The following MCFD2 variants were observed in gnomAD, a reference collection of about 807,000 sequenced individuals.
MCFD2 encodes the protein multiple coagulation factor deficiency protein 2.
In MCFD2, 11 loss-of-function variants were observed where a neutral mutation model predicts 12.8. The observed-to-expected ratio is 0.86, with a 90% confidence interval of 0.54 to 1.42. The LOEUF is 1.42. Ranked by LOEUF, MCFD2 falls within the 40% of genes most tolerant of loss-of-function variation. The pLI is 0.00. For missense variants in MCFD2, 191 were observed against 178.6 expected, an observed-to-expected ratio of 1.07 and a Z score of -0.40; for synonymous variants, 70 against 68.1, an observed-to-expected ratio of 1.03 and a Z score of -0.14.
At position 46,904,036 on chromosome 2, in the gene MCFD2, A is replaced by C. The variant is rs1422755144; in HGVS notation, c.*1427T>G. 6.6e-6 allele frequency: 1 copy of C among 152,282 alleles called. No individual in the cohort carries two copies. The highest frequency in any genetic ancestry group is 1.5e-5 in the Non-Finnish European group (1 of 68,110). The allele number at this position is 152,282 out of a possible 1,614,324, so 9.4% of individuals were successfully genotyped here. A position where few individuals can be genotyped will look rare whatever the true frequency, so the allele number is the denominator to read the frequency against. ...ACTCCAGCCATGGCTGAAAGGGGCC[A>C]ACATACAGCTCGGGCTGTGGCTTCA... On this transcript the variant is annotated 3_prime_UTR_variant, in exon 4 of 4. Coordinates refer to ENST00000319466, the MANE Select transcript of MCFD2 (RefSeq NM_139279.6).
intron 1 of MCFD2, among the ~76,000 whole-genome samples, chr2:46,924,839 GCTGGACTCGAGCT>G (rs1669303074): frequency 6.6e-6 from 1 of 152,210 alleles, no homozygotes; most frequent in Non-Finnish European, 1.5e-5. Context: ...TGTTGGCCAG[GCTGGACTCGAGCT>G]CTGGGCTCAA....
rs2289928 is a variant in MCFD2, at chr2:46,907,765, G to A, written c.309+45C>T. The A allele has an allele frequency of 0.077, 123,785 of 1,601,508 alleles. 6,452 individuals carry two copies. Among genetic ancestry groups the A allele is most frequent in the African/African-American group, 0.25 (18,457 of 74,668 alleles). On this transcript the variant is annotated intron_variant, in intron 3 of 3. Coordinates refer to ENST00000319466, the MANE Select transcript of MCFD2 (RefSeq NM_139279.6). This position sits in a 1 kb window ranked among gnomAD's most constrained non-coding sequence, Gnocchi z 4.1. ...AGACTGGGGACCAAATTAACAAAGG[G>A]AAGCCTTTCTGTGATACAGTCCCCC...
upstream of MCFD2, among the ~76,000 whole-genome samples, chr2:46,919,490 A>G (rs1219232130): frequency 6.6e-6 from 1 of 152,250 alleles, no homozygotes; most frequent in Admixed American, 6.5e-5. Context: ...CTGAGATCGC[A>G]CCATTGCTCT....
In MCFD2 at chr2:46,941,239, G is replaced by C. The variant is rs1366574956; in HGVS notation, c.-8+333C>G. ...GGCGGAGGCTGTGGCAGCAGCTGCA[G>C]CGGCGGCGGCGGCGGCAGCGCCAGG... On this transcript the variant is annotated intron_variant, in intron 1 of 2. Transcript: ENST00000409147. This position sits in a 1 kb window ranked among gnomAD's most constrained non-coding sequence, Gnocchi z 4.2. The C allele has an allele frequency of 6.7e-6, 1 of 148,842 alleles. No homozygotes were observed. Among genetic ancestry groups the C allele is most frequent in the African/African-American group, 2.5e-5 (1 of 40,730 alleles). 9.2% of individuals were successfully genotyped at this position (148,842 alleles called of 1,614,324 possible). A position where few individuals can be genotyped will look rare whatever the true frequency, so the allele number is the denominator to read the frequency against.
chr2:46,906,575 T>A (rs1168690729), intron 3 of MCFD2, among the ~76,000 whole-genome samples: 1 of 134,020 alleles, frequency 7.5e-6, no homozygotes, highest in African/African-American at 2.8e-5. Context: ...AGCCTCGACC[T>A]CCCAGGCTCA....
In MCFD2 at chr2:46,941,614, C is replaced by T. The variant is rs910842442; in HGVS notation, c.-50G>A. 2.6e-6 allele frequency: 4 copies of T among 1,556,348 alleles called. No individual in the cohort carries two copies. Among genetic ancestry groups the T allele is most frequent in the Admixed American group, 1.9e-5 (1 of 51,832 alleles). On this transcript the variant is annotated 5_prime_UTR_variant, in exon 1 of 3. Coordinates refer to the MCFD2 transcript ENST00000409147. This position sits in a 1 kb window ranked among gnomAD's most constrained non-coding sequence, Gnocchi z 4.2. ...GCTGGAGCGCTGCCGCGCCGAGGGCCACTGGGACCGCATGCCGGAGCTGGT... is the reference window on the plus strand; with the variant it reads ...GCTGGAGCGCTGCCGCGCCGAGGGCTACTGGGACCGCATGCCGGAGCTGGT...
chr2:46,939,844 C>G (rs1043985143), intron 1 of MCFD2, among the ~76,000 whole-genome samples: 2 of 152,188 alleles, frequency 1.3e-5, no homozygotes, highest in Admixed American at 6.5e-5. Context: ...CTGGAGTAAG[C>G]CAGGAGTTTA....
intron 3 of MCFD2, 153 bp from the exon 4 acceptor site, chr2:46,905,747 A>T (rs554805315): frequency 8.9e-6 from 7 of 782,374 alleles, no homozygotes; most frequent in African/African-American, 8.8e-5. Context: ...ATCCACGCTC[A>T]TATGTGTCCA....
intron 1 of MCFD2, among the ~76,000 whole-genome samples, chr2:46,934,794 T>C (rs1325918345): frequency 2.8e-5 from 3 of 107,632 alleles, no homozygotes; most frequent in Non-Finnish European, 5.8e-5. Context: ...GCTCTTTTTT[T>C]TTTTTTTTTT....
intron 1 of MCFD2, among the ~76,000 whole-genome samples, chr2:46,927,355 ATT>A (rs60808815): frequency 0.042 from 5,524 of 132,736 alleles, 99 homozygotes; most frequent in Middle Eastern, 0.09. Flanking sequence ...AGAAAAAAAG[ATT>A]TTTTTTTTTT....
Position 46,941,797 on chromosome 2 carries a change from C to A in MCFD2, c.-233G>T. On this transcript the variant is annotated 5_prime_UTR_variant, in exon 1 of 3. Coordinates refer to the MCFD2 transcript ENST00000409147. The surrounding 1 kb of genome is among the most constrained non-coding windows in gnomAD (Gnocchi z 4.2). ...GCACCGCCTCCTCCAGGAAGCGCGC[C>A]CAGACAGTCCTCGGCCGACAGCGGG... The A allele has an allele frequency of 6.5e-7, 1 of 1,533,794 alleles. No homozygotes were observed. Among genetic ancestry groups the A allele is most frequent in the Non-Finnish European group, 8.8e-7 (1 of 1,135,926 alleles).
chr2:46,922,627 A>G (rs768305049), intron 1 of MCFD2, among the ~76,000 whole-genome samples: 122 of 152,138 alleles, frequency 8.0e-4, no homozygotes, highest in Admixed American at 1.8e-3. Flanking sequence ...TCTGGTTCAT[A>G]TGTACTTCAA....
chr2:46,938,180 GA>G (rs1343380431), intron 1 of MCFD2, among the ~76,000 whole-genome samples: 1 of 151,890 alleles, frequency 6.6e-6, no homozygotes, highest in Non-Finnish European at 1.5e-5. Context: ...TAAAGAAAAA[GA>G]AAAAAGCAAA....
rs1411992422 is a variant in MCFD2, at chr2:46,941,399, C to T, written c.-8+173G>A. Reference sequence around the variant, plus strand: ...TGCTGCTGCTGCCCACCCTCCGCCGCCCGGGCCCCCGCTGCCGCCCGGGCC... The same window carrying T: ...TGCTGCTGCTGCCCACCCTCCGCCGTCCGGGCCCCCGCTGCCGCCCGGGCC... On this transcript the variant is annotated intron_variant, in intron 1 of 2. Coordinates refer to the MCFD2 transcript ENST00000409147. This position sits in a 1 kb window ranked among gnomAD's most constrained non-coding sequence, Gnocchi z 4.2. 1.5e-5 allele frequency: 10 copies of T among 685,444 alleles called. No individual in the cohort carries two copies. The highest frequency in any genetic ancestry group is 1.9e-5 in the Non-Finnish European group (10 of 521,610). 42.5% of individuals were successfully genotyped at this position (685,444 alleles called of 1,614,324 possible).
Position 46,908,322 on chromosome 2 carries a change from G to A in MCFD2, c.150-353C>T, listed in dbSNP as rs1002694973. The stretch of plus-strand genomic sequence containing the variant: ...GCCACCCAGGCTGGAGTGCAGGAGC[G>A]TGATCTTGGCTCATTGTAGCCTCAA... On this transcript the variant is annotated intron_variant, in intron 2 of 3. Coordinates refer to ENST00000319466, the MANE Select transcript of MCFD2 (RefSeq NM_139279.6). This position sits in a 1 kb window ranked among gnomAD's most constrained non-coding sequence, Gnocchi z 4.5. The A allele has an allele frequency of 2.6e-5, 9 of 343,262 alleles. No homozygotes were observed. Among genetic ancestry groups the A allele is most frequent in the African/African-American group, 4.3e-5 (2 of 46,402 alleles). The allele number at this position is 343,262 out of a possible 1,614,324, so 21.3% of individuals were successfully genotyped here. A position where few individuals can be genotyped will look rare whatever the true frequency, so the allele number is the denominator to read the frequency against.
At chr2:46,914,018 T>C (rs546403233) in intron 1 of MCFD2, 1 of 152,694 alleles carries the variant, frequency 6.5e-6, no homozygotes, top group South Asian at 2.1e-4. Flanking sequence ...ATTTTTCTCT[T>C]TTCCTCCCTC....
chr2:46,923,081 C>G (rs555078464), intron 1 of MCFD2, among the ~76,000 whole-genome samples: 36 of 152,356 alleles, frequency 2.4e-4, no homozygotes, highest in Non-Finnish European at 5.3e-4. Context: ...GCTTCTGTCC[C>G]CATGGAGTTG....
intron 3 of MCFD2, 153 bp from the exon 4 acceptor site, chr2:46,905,747 A>C (rs554805315): frequency 1.3e-6 from 1 of 782,474 alleles, no homozygotes; most frequent in East Asian, 2.7e-5. Context: ...ATCCACGCTC[A>C]TATGTGTCCA....
chr2:46,936,453 A>G (rs184062624), intron 1 of MCFD2, among the ~76,000 whole-genome samples: 93 of 152,070 alleles, frequency 6.1e-4, no homozygotes, highest in Admixed American at 1.2e-3. Flanking sequence ...ATCTCTCCGG[A>G]CCCTCTGTCT....
Sources: allele counts gnomAD v4.1 joint callset (sites outside exome capture counted in the v4.1 genomes callset), GRCh38; gene constraint gnomAD v4.1.1; non-coding constraint Gnocchi (gnomAD v3.1); transcripts MANE v1.5; gene names NCBI Gene and HGNC (gene_info 2026-07-23, HGNC 2026-07-21).